Variants in PCDHA2 observed in about 807,000 individuals in gnomAD.
PCDHA2 encodes protocadherin alpha-2.
PCDHA2 carries 58 observed loss-of-function variants against 66.0 expected under a neutral mutation model. The ratio of observed to expected loss-of-function variants is 0.88; its 90% CI spans 0.71 to 1.09. The LOEUF is 1.09. Among genes scored for constraint, PCDHA2 ranks in the 50% least tolerant of loss-of-function variants. The probability of loss-of-function intolerance (pLI) is 0.00; values close to 1 mark genes in which losing one functional copy is unlikely to be tolerated. For missense variants in PCDHA2, 1,267 were observed against 1,242.3 expected (o/e 1.02, Z -0.30); for synonymous variants, 634 against 554.0 (o/e 1.14, Z -2.03).
intron 1 of PCDHA2, among the ~76,000 whole-genome samples, chr5:140,907,970 A>G (rs1312755290): frequency 6.6e-6 from 1 of 152,158 alleles, no homozygotes; most frequent in African/African-American, 2.4e-5. Context: ...CAATTTTCCA[A>G]TCATGCTTCT....
chr5:140,824,296 G>C, intron 1 of PCDHA2: 1 of 897,790 alleles, frequency 1.1e-6, no homozygotes. Flanking sequence ...AGGCTTTTCT[G>C]CTGGGGTAAT....
chr5:140,992,681 G>A (rs575311513), intron 3 of PCDHA2, among the ~76,000 whole-genome samples: 2 of 152,286 alleles, frequency 1.3e-5, no homozygotes, highest in South Asian at 4.2e-4. Flanking sequence ...TGTGTGTTAG[G>A]GGTTGAGGGG....
intron 1 of PCDHA2, chr5:140,842,584 T>C (rs1245274554): frequency 1.3e-6 from 2 of 1,519,626 alleles, no homozygotes. Context: ...TGTCGGCCTA[T>C]GAGTTGGTGG....
At chr5:140,836,524 C>G (rs2150262831) in intron 1 of PCDHA2, 1 of 1,613,834 alleles carries the variant, frequency 6.2e-7, no homozygotes, top group South Asian at 1.1e-5. Flanking sequence ...TTGGTGCTTA[C>G]CCTGCTGCTG....
chr5:140,805,955 T>C (rs1428044937), intron 1 of PCDHA2, among the ~76,000 whole-genome samples: 1 of 152,146 alleles, frequency 6.6e-6, no homozygotes, highest in East Asian at 1.9e-4. Context: ...ATTAAACAAT[T>C]AAGATACAAC....
chr5:140,876,815 T>G (rs782365798), intron 1 of PCDHA2: 1 of 1,614,148 alleles, frequency 6.2e-7, no homozygotes, highest in South Asian at 1.1e-5. Flanking sequence ...GTGGCCGACG[T>G]GAACGACAAT....
intron 1 of PCDHA2, among the ~76,000 whole-genome samples, chr5:140,839,729 A>G (rs1554137556): frequency 6.6e-6 from 1 of 152,080 alleles, no homozygotes; most frequent in Non-Finnish European, 1.5e-5. Flanking sequence ...CATTTCACAG[A>G]AAATACCCTT....
rs2150230221 is a variant in PCDHA2 at position 140,835,046 on chromosome 5, G to A, written c.2388+37694G>A. The A allele has an allele frequency of 6.3e-6, 8 of 1,261,804 alleles. No individual in the cohort carries two copies. The East Asian group carries it at 1.6e-4, about 24-fold the overall frequency. 78.2% of individuals were successfully genotyped at this position (1,261,804 alleles called of 1,614,324 possible). On this transcript the variant is annotated intron_variant, in intron 1 of 3. Transcript: ENST00000526136. ...CGGCCACCGATGGAGGCAAACCCGAGCTGACTGGCACCGTTCAATTACTCA... is the reference window on the plus strand; with the variant it reads ...CGGCCACCGATGGAGGCAAACCCGAACTGACTGGCACCGTTCAATTACTCA...
At position 140,858,352 on chromosome 5, in the gene PCDHA2, G is replaced by T; in HGVS notation, c.2388+61000G>T. On this transcript the variant is annotated intron_variant, in intron 1 of 3. Coordinates refer to ENST00000526136, the MANE Select transcript of PCDHA2 (RefSeq NM_018905.3). ...AGGGCCTGCCCAAGGCGGACCTCATGGCCTTCAGCCCCAGCCTTCCACCAT... is the reference window on the plus strand; with the variant it reads ...AGGGCCTGCCCAAGGCGGACCTCATTGCCTTCAGCCCCAGCCTTCCACCAT... 1.3e-6 allele frequency: 2 copies of T among 1,593,948 alleles called. 1 individual carries two copies. Among genetic ancestry groups the T allele is most frequent in the Non-Finnish European group, 1.7e-6 (2 of 1,165,108 alleles).
chr5:140,968,383 T>C, intron 1 of PCDHA2: 1 of 1,614,044 alleles, frequency 6.2e-7, no homozygotes. Context: ...CCTTTGACTA[T>C]GAGAAGTTTC....
rs1229103510 is a variant in PCDHA2, at chr5:140,850,051, C to T, written c.2388+52699C>T. The T allele has an allele frequency of 6.3e-6, 10 of 1,596,302 alleles. 1 individual carries two copies. The highest frequency in any genetic ancestry group is 7.7e-6 in the Non-Finnish European group (9 of 1,167,790). Reference sequence around the variant, plus strand: ...CACGCGGAGAGCGGCAAGGTGTACGCGCTGCAGCCGTTGGACCACGAGGAG... The same window carrying T: ...CACGCGGAGAGCGGCAAGGTGTACGTGCTGCAGCCGTTGGACCACGAGGAG... On this transcript the variant is annotated intron_variant, in intron 1 of 3. Coordinates refer to ENST00000526136, the MANE Select transcript of PCDHA2 (RefSeq NM_018905.3).
intron 1 of PCDHA2, among the ~76,000 whole-genome samples, chr5:140,827,069 GC>G (rs1769168909): frequency 6.6e-6 from 1 of 152,160 alleles, no homozygotes; most frequent in Non-Finnish European, 1.5e-5. Context: ...CTCATGCCTT[GC>G]TATTTAACAA....
intron 2 of PCDHA2, among the ~76,000 whole-genome samples, chr5:140,980,645 G>A (rs1322302727): frequency 6.7e-6 from 1 of 149,206 alleles, no homozygotes; most frequent in African/African-American, 2.5e-5. Flanking sequence ...ATAAATAAAT[G>A]AATAAAATAA....
intron 1 of PCDHA2, chr5:140,867,710 G>A (rs2050114623): frequency 6.6e-6 from 1 of 151,674 alleles, no homozygotes; most frequent in Non-Finnish European, 1.5e-5. Context: ...AAATCCTAAG[G>A]GTATATGAAA....
At chr5:140,857,621 G>C (rs962164938) in intron 1 of PCDHA2, 3 of 1,596,644 alleles carry the variant, frequency 1.9e-6, no homozygotes, top group East Asian at 4.5e-5. Flanking sequence ...GCTGGACCAC[G>C]AGGAGCTGGA....
chr5:140,850,518 G>A, intron 1 of PCDHA2: 1 of 1,598,310 alleles, frequency 6.3e-7, no homozygotes, highest in South Asian at 1.1e-5. Flanking sequence ...GAGCGGCCAG[G>A]CGCCAAAGTC....
chr5:140,935,550 C>G (rs1419018426), intron 1 of PCDHA2, among the ~76,000 whole-genome samples: 2 of 152,156 alleles, frequency 1.3e-5, no homozygotes, highest in African/African-American at 4.8e-5. Flanking sequence ...TTTAAAGTAT[C>G]TTGGAAAAGT....
rs782219196 is a variant in PCDHA2 at position 140,808,940 on chromosome 5, G to A, written c.2388+11588G>A. The stretch of plus-strand genomic sequence containing the variant: ...AGTGAGCGAGCTGGTGCCATGGTCG[G>A]TGGGTGTGGGCCACGTGGTGGCAAA... On this transcript the variant is annotated intron_variant, in intron 1 of 3. Coordinates refer to ENST00000526136, the MANE Select transcript of PCDHA2 (RefSeq NM_018905.3). The A allele has an allele frequency of 2.8e-5, 45 of 1,613,628 alleles. No homozygotes were observed. In the South Asian group the frequency reaches 4.8e-4, roughly 17 times the overall value.
chr5:140,833,852 G>A (rs1262329896), intron 1 of PCDHA2, among the ~76,000 whole-genome samples: 1 of 152,108 alleles, frequency 6.6e-6, no homozygotes, highest in South Asian at 2.1e-4. Context: ...CTTAACAAGC[G>A]ATACTGAATC....
Sources: allele counts gnomAD v4.1 joint callset (sites outside exome capture counted in the v4.1 genomes callset), GRCh38; gene constraint gnomAD v4.1.1; transcripts MANE v1.5; gene names NCBI Gene and HGNC (gene_info 2026-07-23, HGNC 2026-07-21).